The following NRXN3 variants were observed in gnomAD, a reference collection of about 807,000 sequenced individuals.
The protein encoded by NRXN3 is neurexin III.
NRXN3 carries 32 observed loss-of-function variants against 137.6 expected under a neutral mutation model. The observed-to-expected ratio is 0.23, with a 90% confidence interval of 0.18 to 0.31. The LOEUF (loss-of-function observed/expected upper bound fraction) is 0.31. Ranked by LOEUF, NRXN3 falls within the 10% of genes least tolerant of loss-of-function variation. The pLI, the probability that NRXN3 is intolerant of heterozygous loss-of-function variation, is 1.00. For missense variants in NRXN3, 1,574 were observed against 2,062.5 expected (o/e 0.76, Z 4.59); for synonymous variants, 798 against 784.5 (o/e 1.02, Z -0.29).
intron 15 of NRXN3, among the ~76,000 whole-genome samples, chr14:79,287,350 A>G (rs1157957821): frequency 6.6e-6 from 1 of 152,202 alleles, no homozygotes; most frequent in African/African-American, 2.4e-5. Flanking sequence ...ATCATTTAGA[A>G]GCTCAGGGAT....
At chr14:79,049,022 CAAAAAA>C (rs1171306670) in intron 15 of NRXN3, among the ~76,000 whole-genome samples, 17 of 29,476 alleles carry the variant, frequency 5.8e-4, no homozygotes, top group African/African-American at 1.8e-3. Context: ...AACTCCGTCT[CAAAAAA>C]AAAAAAAAAA....
At chr14:79,638,066 T>C (rs2098415009) in intron 16 of NRXN3, among the ~76,000 whole-genome samples, 1 of 152,000 alleles carries the variant, frequency 6.6e-6, no homozygotes, top group Non-Finnish European at 1.5e-5. Flanking sequence ...TGCCCATACC[T>C]CTATACTAGT....
chr14:78,843,418 G>A (rs1455108257), intron 10 of NRXN3, among the ~76,000 whole-genome samples: 1 of 152,076 alleles, frequency 6.6e-6, no homozygotes, highest in African/African-American at 2.4e-5. Flanking sequence ...TCCATGTATA[G>A]CAATGTTTTC....
intron 16 of NRXN3, among the ~76,000 whole-genome samples, chr14:79,475,597 G>GT (rs1255201787): frequency 6.6e-6 from 1 of 152,020 alleles, no homozygotes; most frequent in African/African-American, 2.4e-5. Context: ...AAGAAATTAG[G>GT]TTTTCTACTC....
chr14:78,874,807 G>A (rs922072109), intron 10 of NRXN3, among the ~76,000 whole-genome samples: 2 of 152,194 alleles, frequency 1.3e-5, no homozygotes, highest in Non-Finnish European at 2.9e-5. Context: ...GTTTGATGGG[G>A]AGTAGATGCC....
intron 10 of NRXN3, among the ~76,000 whole-genome samples, chr14:78,924,171 C>T (rs1486454791): frequency 6.6e-6 from 1 of 152,192 alleles, no homozygotes; most frequent in Non-Finnish European, 1.5e-5. Flanking sequence ...ATCACTTGAA[C>T]CCTGGAGGTG....
intron 15 of NRXN3, among the ~76,000 whole-genome samples, chr14:79,063,771 G>A (rs2099677215): frequency 6.6e-6 from 1 of 152,080 alleles, no homozygotes; most frequent in Non-Finnish European, 1.5e-5. Flanking sequence ...CTTTATGTTT[G>A]CTCAAGATAG....
chr14:78,225,684 C>T (rs1015474715), intron 1 of NRXN3, among the ~76,000 whole-genome samples: 33 of 152,262 alleles, frequency 2.2e-4, no homozygotes, highest in Admixed American at 9.1e-4. Context: ...CGCTCCCACC[C>T]ATCCTGCATT....
At chr14:78,893,271 C>T (rs529751449) in intron 10 of NRXN3, among the ~76,000 whole-genome samples, 9 of 152,010 alleles carry the variant, frequency 5.9e-5, no homozygotes, top group African/African-American at 2.2e-4. Flanking sequence ...TTTGCAAGAG[C>T]AGGTGGATGA....
intron 12 of NRXN3, 66 bp from the exon 13 acceptor site, chr14:78,967,142 C>A: frequency 7.2e-7 from 1 of 1,385,736 alleles, no homozygotes; most frequent in Non-Finnish European, 9.9e-7. Flanking sequence ...GTCAGTTACA[C>A]ACATATAGCC....
chr14:79,355,374 T>C (rs1177171015), intron 15 of NRXN3, among the ~76,000 whole-genome samples: 4 of 152,068 alleles, frequency 2.6e-5, no homozygotes, highest in South Asian at 2.1e-4. Context: ...ATGATCCTAA[T>C]TGTAACCCTA....
intron 19 of NRXN3, among the ~76,000 whole-genome samples, chr14:79,790,745 C>A (rs111871152): frequency 2.6e-5 from 4 of 151,758 alleles, no homozygotes; most frequent in Admixed American, 2.6e-4. Flanking sequence ...CTCAGCCACC[C>A]GAGTATCTGG....
At chr14:78,210,236 A>G (rs902258873) in intron 1 of NRXN3, among the ~76,000 whole-genome samples, 3 of 152,124 alleles carry the variant, frequency 2.0e-5, no homozygotes, top group African/African-American at 7.2e-5. Context: ...GGTGAGGGCC[A>G]GTTCTTCTAG....
intron 15 of NRXN3, among the ~76,000 whole-genome samples, chr14:79,177,882 T>C (rs1291192460): frequency 4.6e-5 from 7 of 152,254 alleles, no homozygotes; most frequent in Non-Finnish European, 1.5e-5. Context: ...AGTGTGAATA[T>C]AAAAGATCAT....
At chr14:79,545,928 G>A (rs991258709) in intron 16 of NRXN3, among the ~76,000 whole-genome samples, 11 of 151,982 alleles carry the variant, frequency 7.2e-5, no homozygotes, top group East Asian at 1.9e-4. Flanking sequence ...GGAGGGACCC[G>A]GTGGGAGGTA....
At chr14:78,636,493 T>A (rs1448479574) in intron 4 of NRXN3, among the ~76,000 whole-genome samples, 1 of 152,070 alleles carries the variant, frequency 6.6e-6, no homozygotes, top group Non-Finnish European at 1.5e-5. Flanking sequence ...GATGAATCAC[T>A]GCAGGAGAAT....
intron 6 of NRXN3, among the ~76,000 whole-genome samples, chr14:78,671,901 T>C (rs930918104): frequency 6.6e-6 from 1 of 152,236 alleles, no homozygotes; most frequent in Non-Finnish European, 1.5e-5. Context: ...GAGACACTTA[T>C]CAATTCAGTT....
At chr14:79,450,580 CA>C (rs148700874) in intron 15 of NRXN3, among the ~76,000 whole-genome samples, 32,036 of 151,932 alleles carry the variant, frequency 0.21, 3,516 homozygotes, top group African/African-American at 0.24. Context: ...AAAATAAGGC[CA>C]GGGGCGGTGG....
intron 8 of NRXN3, among the ~76,000 whole-genome samples, chr14:78,763,701 A>G (rs1323661897): frequency 2.0e-5 from 3 of 152,140 alleles, no homozygotes; most frequent in South Asian, 2.1e-4. Flanking sequence ...CGGAGATTGT[A>G]TAGTACCTAG....
Sources: allele counts gnomAD v4.1 joint callset (sites outside exome capture counted in the v4.1 genomes callset), GRCh38; gene constraint gnomAD v4.1.1; transcripts MANE v1.5; gene names NCBI Gene and HGNC (gene_info 2026-07-23, HGNC 2026-07-21).